UNC5D: variants seen among roughly 807,000 people sequenced by gnomAD.
UNC5D encodes the protein unc-5 netrin receptor D.
UNC5D carries 39 observed loss-of-function variants against 105.4 expected under a neutral mutation model. That is an observed-to-expected ratio of 0.37 (90% CI 0.29 to 0.48). The LOEUF is 0.48. Ranked by LOEUF, UNC5D falls within the 20% of genes least tolerant of loss-of-function variation. The probability of loss-of-function intolerance (pLI) is 0.98; values close to 1 mark genes in which losing one functional copy is unlikely to be tolerated. For synonymous variants in UNC5D, 452 were observed against 450.4 expected, an observed-to-expected ratio of 1.00 and a Z score of -0.04; for missense variants, 991 against 1,202.4, an observed-to-expected ratio of 0.82 and a Z score of 2.60.
At chr8:35,308,112 A>ATGTGTGTGTGTGTG (rs374542443) in intron 1 of UNC5D, among the ~76,000 whole-genome samples, 7 of 147,778 alleles carry the variant, frequency 4.7e-5, no homozygotes, top group African/African-American at 9.9e-5. Flanking sequence ...CTATGTCACA[A>ATGTGTGTGTGTGTG]TGTATGTGTG....
At chr8:35,555,192 G>A (rs1362818781) in intron 2 of UNC5D, among the ~76,000 whole-genome samples, 1 of 152,048 alleles carries the variant, frequency 6.6e-6, no homozygotes, top group Non-Finnish European at 1.5e-5. Flanking sequence ...TCACTTTTAT[G>A]GAAGCCTTCT....
At chr8:35,388,475 T>C (rs1803575379) in intron 1 of UNC5D, among the ~76,000 whole-genome samples, 1 of 152,172 alleles carries the variant, frequency 6.6e-6, no homozygotes, top group African/African-American at 2.4e-5. Context: ...GTTCAACATG[T>C]AGTTATCAAG....
At chr8:35,790,324 C>T (rs772894658) in intron 16 of UNC5D, 35 bp from the exon 17 acceptor site, 23 of 1,589,912 alleles carry the variant, frequency 1.4e-5, no homozygotes, top group African/African-American at 8.1e-5. Context: ...TTTCATGTTT[C>T]GTTTTGTTCT....
In UNC5D at chr8:35,683,670, A is replaced by G. The variant is rs1825818990; in HGVS notation, c.694A>G (p.Met232Val). ...CTCGGACTCAGGAAATTACACCTGC[A>G]TGGCAGCCAACATCGTGGCTAAGAG... The part of the protein sequence containing the change: ...RLSDSGNYTC[M>V]AANIVAKRRS... Residue 232 changes from methionine to valine, a missense_variant, in exon 5 of 17, where the codon ATG becomes GTG. Met to Val is a conservative substitution (Grantham distance 21, BLOSUM62 1). Transcript: ENST00000404895. The G allele has an allele frequency of 3.2e-6, 5 of 1,567,472 alleles. No homozygotes were observed. Among genetic ancestry groups the G allele is most frequent in the Non-Finnish European group, 3.4e-6 (4 of 1,163,970 alleles).
intron 10 of UNC5D, among the ~76,000 whole-genome samples, chr8:35,728,095 A>AATATATATAT (rs1554596595): frequency 1.4e-4 from 15 of 110,342 alleles, no homozygotes; most frequent in African/African-American, 8.2e-4. Context: ...AAAAAAAAAA[A>AATATATATAT]ATATATATAT....
intron 1 of UNC5D, among the ~76,000 whole-genome samples, chr8:35,354,734 A>G (rs1801452599): frequency 6.6e-6 from 1 of 152,156 alleles, no homozygotes; most frequent in African/African-American, 2.4e-5. Context: ...GTGGCCTTGA[A>G]TAACTATTTT....
intron 1 of UNC5D, among the ~76,000 whole-genome samples, chr8:35,521,678 T>C (rs1056112264): frequency 6.6e-6 from 1 of 152,180 alleles, no homozygotes; most frequent in Non-Finnish European, 1.5e-5. Context: ...CTGTGATGGA[T>C]TGTTTGGTGG....
chr8:35,557,961 G>A (rs991892495), intron 2 of UNC5D, among the ~76,000 whole-genome samples: 30 of 152,004 alleles, frequency 2.0e-4, no homozygotes, highest in African/African-American at 6.3e-4. Flanking sequence ...GTGAAACCCC[G>A]TCTCTACCAA....
chr8:35,239,303 G>A (rs998776586), intron 1 of UNC5D, among the ~76,000 whole-genome samples: 4 of 152,080 alleles, frequency 2.6e-5, no homozygotes, highest in South Asian at 2.1e-4. Context: ...GACTGAATCC[G>A]TCAGGTAGTT....
intron 2 of UNC5D, among the ~76,000 whole-genome samples, chr8:35,566,894 T>A (rs150696916): frequency 1.0e-3 from 154 of 152,244 alleles, no homozygotes; most frequent in Non-Finnish European, 1.9e-3. Flanking sequence ...TGCTTCCCTG[T>A]TTGTGATGAG....
At chr8:35,329,780 A>G (rs1175769496) in intron 1 of UNC5D, among the ~76,000 whole-genome samples, 2 of 152,146 alleles carry the variant, frequency 1.3e-5, no homozygotes, top group Admixed American at 6.5e-5. Flanking sequence ...CCTTACCTCT[A>G]TACATGAGGC....
intron 1 of UNC5D, among the ~76,000 whole-genome samples, chr8:35,459,547 T>C (rs981861806): frequency 1.3e-5 from 2 of 152,200 alleles, no homozygotes; most frequent in Admixed American, 1.3e-4. Flanking sequence ...AGTGTTCAAA[T>C]CACAAAGCTG....
chr8:35,336,794 T>TC (rs1055970255), intron 1 of UNC5D, among the ~76,000 whole-genome samples: 1 of 151,476 alleles, frequency 6.6e-6, no homozygotes, highest in Non-Finnish European at 1.5e-5. Flanking sequence ...AAATAGTGTT[T>TC]TTTTTTTTTC....
chr8:35,629,422 A>T (rs1238109327), intron 4 of UNC5D, among the ~76,000 whole-genome samples: 1 of 152,132 alleles, frequency 6.6e-6, no homozygotes, highest in Non-Finnish European at 1.5e-5. Context: ...TCTCAAGTGA[A>T]CAAATTCAGC....
intron 1 of UNC5D, among the ~76,000 whole-genome samples, chr8:35,342,447 G>C (rs1319027867): frequency 6.6e-6 from 1 of 152,106 alleles, no homozygotes; most frequent in Non-Finnish European, 1.5e-5. Flanking sequence ...CAGGTAACTT[G>C]TTGGGAATCC....
intron 3 of UNC5D, among the ~76,000 whole-genome samples, chr8:35,585,623 G>A (rs1486731824): frequency 6.6e-6 from 1 of 151,880 alleles, no homozygotes; most frequent in Non-Finnish European, 1.5e-5. Flanking sequence ...TTTGTGCTAT[G>A]TGCAGATTCC....
At chr8:35,715,075 C>T (rs1018336878) in intron 8 of UNC5D, among the ~76,000 whole-genome samples, 8 of 152,150 alleles carry the variant, frequency 5.3e-5, no homozygotes, top group Non-Finnish European at 1.2e-4. Context: ...CACTTGAACC[C>T]AGGAGATGGA....
At chr8:35,325,068 C>T (rs1412082583) in intron 1 of UNC5D, among the ~76,000 whole-genome samples, 1 of 152,022 alleles carries the variant, frequency 6.6e-6, no homozygotes, top group African/African-American at 2.4e-5. Flanking sequence ...TCTCAGCCAA[C>T]AAAAAACTGA....
At chr8:35,375,715 T>A (rs1259484425) in intron 1 of UNC5D, among the ~76,000 whole-genome samples, 1 of 152,186 alleles carries the variant, frequency 6.6e-6, no homozygotes, top group Non-Finnish European at 1.5e-5. Flanking sequence ...TTAATTTAGC[T>A]GCATTTCATG....
Sources: allele counts gnomAD v4.1 joint callset (sites outside exome capture counted in the v4.1 genomes callset), GRCh38; gene constraint gnomAD v4.1.1; transcripts MANE v1.5; gene names NCBI Gene and HGNC (gene_info 2026-07-23, HGNC 2026-07-21).